The following IFI16 variants were observed in gnomAD, a reference collection of about 807,000 sequenced individuals.
The protein encoded by IFI16 is interferon gamma inducible protein 16.
Under a neutral mutation model 68.4 loss-of-function variants are expected in IFI16, and 49 were observed. The ratio of observed to expected loss-of-function variants is 0.72; its 90% CI spans 0.57 to 0.91. The LOEUF (loss-of-function observed/expected upper bound fraction) is 0.91. Among genes scored for constraint, IFI16 ranks in the 40% least tolerant of loss-of-function variants. The pLI, the probability that IFI16 is intolerant of heterozygous loss-of-function variation, is 0.00. For missense variants in IFI16, 878 were observed against 942.9 expected (o/e 0.93, Z 0.90); for synonymous variants, 307 against 315.0 (o/e 0.97, Z 0.27).
chr1:159,018,514 G>C lies in IFI16; in HGVS notation c.835G>C (p.Val279Leu). The C allele has an allele frequency of 6.2e-7, 1 of 1,614,046 alleles. No homozygotes were observed. Among genetic ancestry groups the C allele is most frequent in the Non-Finnish European group, 8.5e-7 (1 of 1,179,888 alleles). ...SLLEVNEESTVSEAGPNQTFE... is the reference protein window; with the variant it reads ...SLLEVNEESTLSEAGPNQTFE... ...CCTAGAGGTCAATGAAGAATCTACT[G>C]TATCTGAAGCTGGTCCTAACCAAAC... is the stretch of plus-strand genomic sequence containing the variant. Residue 279 changes from valine to leucine, a missense_variant, in exon 5 of 12, where the codon GTA becomes CTA. Coordinates refer to ENST00000295809, the MANE Select transcript of IFI16 (RefSeq NM_001376587.1).
intron 6 of IFI16, among the ~76,000 whole-genome samples, chr1:159,026,298 C>T (rs1282528633): frequency 8.7e-6 from 1 of 115,030 alleles, no homozygotes; most frequent in African/African-American, 3.2e-5. Context: ...TTATTTCTTT[C>T]TTTTTTTTTT....
chr1:159,004,395 GTAA>G (rs1031083556), upstream of IFI16, among the ~76,000 whole-genome samples: 2 of 151,868 alleles, frequency 1.3e-5, no homozygotes, highest in African/African-American at 4.8e-5. Context: ...ATAGATGTTA[GTAA>G]TTTGGGGTAA....
upstream of IFI16, among the ~76,000 whole-genome samples, chr1:159,004,325 G>A (rs1022313677): frequency 6.6e-5 from 10 of 151,860 alleles, no homozygotes; most frequent in African/African-American, 2.4e-4. Flanking sequence ...AAAAAAAAAG[G>A]TTAAGAAATC....
At chr1:159,021,801 G>T (rs900809076) in intron 6 of IFI16, among the ~76,000 whole-genome samples, 1 of 152,084 alleles carries the variant, frequency 6.6e-6, no homozygotes, top group Non-Finnish European at 1.5e-5. Flanking sequence ...ATTCTTGCAC[G>T]AGTAATGTGG....
intron 1 of IFI16, among the ~76,000 whole-genome samples, chr1:159,013,254 C>T (rs778970775): frequency 1.4e-5 from 2 of 144,946 alleles, no homozygotes; most frequent in Admixed American, 7.4e-5. Flanking sequence ...CTGCAACCTC[C>T]GTCTCCTGGG....
At chr1:159,004,755 G>A (rs1339176374), upstream of IFI16, among the ~76,000 whole-genome samples, 1 of 152,140 alleles carries the variant, frequency 6.6e-6, no homozygotes, top group Admixed American at 6.5e-5. Flanking sequence ...CAACAGTAGA[G>A]AATCTCATCT....
intron 8 of IFI16, among the ~76,000 whole-genome samples, chr1:159,047,700 TCAGTCTGTGATTCGCAACGTAAGC>T (rs2101918373): frequency 6.7e-6 from 1 of 149,074 alleles, no homozygotes; most frequent in Admixed American, 6.8e-5. Context: ...GTCTGACCAA[TCAGTCTGTGATTCGCAACGTAAGC>T]CGGGAATCCT....
chr1:159,002,940 TG>T (rs1358875113), upstream of IFI16, among the ~76,000 whole-genome samples: 1 of 152,234 alleles, frequency 6.6e-6, no homozygotes, highest in African/African-American at 2.4e-5. Context: ...TGAAGAGGGA[TG>T]TTCAAGCCAG....
chr1:159,008,415 T>A (rs1225163982), upstream of IFI16, among the ~76,000 whole-genome samples: 2 of 152,246 alleles, frequency 1.3e-5, no homozygotes, highest in Admixed American at 1.3e-4. Flanking sequence ...GCTTCATCTA[T>A]GAAAATTTCA....
chr1:159,025,196 C>T (rs1653580791), intron 6 of IFI16, among the ~76,000 whole-genome samples: 1 of 152,166 alleles, frequency 6.6e-6, no homozygotes, highest in South Asian at 2.1e-4. Context: ...CATTCCTGCT[C>T]AGCGCCGCCC....
At chr1:159,027,902 C>A (rs1653770540) in intron 6 of IFI16, among the ~76,000 whole-genome samples, 1 of 152,042 alleles carries the variant, frequency 6.6e-6, no homozygotes, top group South Asian at 2.1e-4. Flanking sequence ...CTTCTCTCTT[C>A]TTTTCTTTGA....
At chr1:159,014,394 A>G (rs927298770) in intron 1 of IFI16, among the ~76,000 whole-genome samples, 1 of 150,518 alleles carries the variant, frequency 6.6e-6, no homozygotes, top group African/African-American at 2.5e-5. Flanking sequence ...TACTCTTAAC[A>G]CTGAGGCAAT....
chr1:159,044,261 C>T (rs545785950), intron 7 of IFI16, among the ~76,000 whole-genome samples: 3 of 152,284 alleles, frequency 2.0e-5, no homozygotes, highest in East Asian at 3.9e-4. Context: ...GATTCAAATG[C>T]AGCCTTATTG....
At position 159,016,576 on chromosome 1, in the gene IFI16, G is replaced by A. The variant is rs751823295; in HGVS notation, c.425G>A (p.Ser142Asn). 1.3e-5 allele frequency: 21 copies of A among 1,614,070 alleles called. No individual in the cohort carries two copies. The highest frequency in any genetic ancestry group is 2.7e-5 in the African/African-American group (2 of 74,936). Reference sequence around the variant, plus strand: ...AAAGAAAAGGCTGGACCCAAAGGGAGTAAGGTGTCCGAGGAACAGACTCAG... The same window carrying A: ...AAAGAAAAGGCTGGACCCAAAGGGAATAAGGTGTCCGAGGAACAGACTCAG... ...STKEKAGPKG[S>N]KVSEEQTQPP... Residue 142 changes from serine (S) to asparagine (N), a missense_variant, in exon 4 of 12, where the codon AGT becomes AAT. Around this residue, in one of 4 missense-constraint regions of IFI16, gnomAD observed 443 missense variants for 421.8 expected, o/e 1.05. Transcript: ENST00000295809.
chr1:159,013,439 A>T (rs944474212), intron 1 of IFI16, among the ~76,000 whole-genome samples: 2 of 152,156 alleles, frequency 1.3e-5, no homozygotes, highest in Admixed American at 6.5e-5. Flanking sequence ...ACATGCTGGA[A>T]TTACAGGCGT....
intron 6 of IFI16, among the ~76,000 whole-genome samples, chr1:159,027,982 T>C (rs1026016862): frequency 3.9e-5 from 6 of 152,216 alleles, no homozygotes; most frequent in Non-Finnish European, 5.9e-5. Context: ...CATTTATCTT[T>C]TGTGTTGTTC....
chr1:159,055,076 T>G lies in IFI16; in HGVS notation c.*175T>G. On this transcript the variant is annotated 3_prime_UTR_variant, in exon 12 of 12. Coordinates refer to ENST00000295809, the MANE Select transcript of IFI16 (RefSeq NM_001376587.1). ...TTTTTTAATTTTTCATAGTTTTTTT[T>G]TAATAAAATGGCATATTTTGCATCT... 4.9e-6 allele frequency: 2 copies of G among 406,078 alleles called. No homozygotes were observed. Among genetic ancestry groups the G allele is most frequent in the Non-Finnish European group, 9.0e-6 (2 of 222,550 alleles). 25.2% of individuals were successfully genotyped at this position (406,078 alleles called of 1,614,324 possible).
intron 7 of IFI16, among the ~76,000 whole-genome samples, chr1:159,041,679 A>G (rs1287875077): frequency 1.3e-5 from 2 of 152,210 alleles, no homozygotes; most frequent in Admixed American, 1.3e-4. Flanking sequence ...GGCCAGTGAA[A>G]GAAACTTCAG....
chr1:159,042,140 C>T (rs184560688), intron 7 of IFI16, among the ~76,000 whole-genome samples: 1 of 152,292 alleles, frequency 6.6e-6, no homozygotes, highest in East Asian at 1.9e-4. Context: ...CCATAGGAGG[C>T]AAAACCTGTC....
Sources: allele counts gnomAD v4.1 joint callset (sites outside exome capture counted in the v4.1 genomes callset), GRCh38; gene constraint gnomAD v4.1.1; regional missense constraint gnomAD v4.1.1; transcripts MANE v1.5; gene names NCBI Gene and HGNC (gene_info 2026-07-23, HGNC 2026-07-21).